Variants in CDKL5 observed in about 807,000 individuals in gnomAD.
The protein encoded by CDKL5 is cyclin dependent kinase like 5, also known as cyclin-dependent kinase-like 5.
CDKL5 carries 8 observed loss-of-function variants against 61.7 expected under a neutral mutation model. The ratio of observed to expected loss-of-function variants is 0.13; its 90% CI spans 0.08 to 0.23. CDKL5 has a LOEUF of 0.23. Among genes scored for constraint, CDKL5 ranks in the 10% least tolerant of loss-of-function variants. The pLI is 1.00. For missense variants in CDKL5, 440 were observed against 734.5 expected, an observed-to-expected ratio of 0.60 and a Z score of 4.63; for synonymous variants, 275 against 272.3, an observed-to-expected ratio of 1.01 and a Z score of -0.10.
chrX:18,534,006 G>C (rs1003808975), intron 3 of CDKL5, among the ~76,000 whole-genome samples: 2 of 111,885 alleles, frequency 1.8e-5, no homozygotes, highest in African/African-American at 6.5e-5. Context: ...CTCACTTTCT[G>C]TCCCTGGTTC....
intron 1 of CDKL5, among the ~76,000 whole-genome samples, chrX:18,459,079 A>G (rs763269005): frequency 5.4e-4 from 61 of 112,728 alleles, no homozygotes; most frequent in African/African-American, 1.8e-3. Flanking sequence ...TGGAGCATTA[A>G]ATAGTTTAGA....
rs1310584481 is a variant in CDKL5, at chrX:18,620,009, C to T, written c.2376+43C>T. The T allele has an allele frequency of 7.3e-6, 6 of 818,912 alleles. No individual in the cohort carries two copies. The South Asian group carries it at 1.1e-4, about 15-fold the overall frequency. 67.5% of individuals were successfully genotyped at this position (818,912 alleles called of 1,213,427 possible). On this transcript the variant is annotated intron_variant, in intron 16 of 17. Transcript: ENST00000623535. Reference sequence around the variant, plus strand: ...TTCTATATATAATAACATGTTTCTGCATTATTCAATGGATACTTTACACTT... The same window carrying T: ...TTCTATATATAATAACATGTTTCTGTATTATTCAATGGATACTTTACACTT...
chrX:18,560,859 T>C (rs747897757), intron 3 of CDKL5, among the ~76,000 whole-genome samples: 4 of 111,105 alleles, frequency 3.6e-5, no homozygotes, highest in Non-Finnish European at 7.5e-5. Context: ...GGAAAAGTCC[T>C]AACAGTATTT....
intron 1 of CDKL5, among the ~76,000 whole-genome samples, chrX:18,444,875 G>A (rs1041300647): frequency 1.1e-4 from 12 of 110,988 alleles, no homozygotes; most frequent in Non-Finnish European, 2.3e-4. Context: ...ACAATTTAAC[G>A]ATTGTTTGCC....
intron 3 of CDKL5, among the ~76,000 whole-genome samples, chrX:18,546,132 C>T (rs2147118964): frequency 9.0e-6 from 1 of 111,301 alleles, no homozygotes; most frequent in African/African-American, 3.3e-5. Flanking sequence ...GTATTCATGG[C>T]TGTCAGAGCA....
intron 11 of CDKL5, among the ~76,000 whole-genome samples, chrX:18,602,689 G>A (rs1161328408): frequency 9.0e-6 from 1 of 110,725 alleles, no homozygotes; most frequent in East Asian, 2.8e-4. Context: ...AGGTAGACTA[G>A]GAAATGGGTC....
chrX:18,647,745 A>T, intron 20 of CDKL5: 1 of 175,822 alleles, frequency 5.7e-6, no homozygotes, highest in Non-Finnish European at 1.1e-5. Context: ...ATCCTGCCTC[A>T]TGACGTCAGG....
intron 3 of CDKL5, among the ~76,000 whole-genome samples, chrX:18,559,618 CTT>C (rs1426007448): frequency 4.4e-5 from 4 of 90,852 alleles, no homozygotes; most frequent in Non-Finnish European, 6.7e-5. Flanking sequence ...ATGACCTTTT[CTT>C]TTTTTTTTTT....
At chrX:18,452,982 C>G (rs1932058198) in intron 1 of CDKL5, among the ~76,000 whole-genome samples, 1 of 108,685 alleles carries the variant, frequency 9.2e-6, no homozygotes, top group Non-Finnish European at 1.9e-5. Flanking sequence ...AGGCGTGCAC[C>G]ACGACGCCTG....
At chrX:18,641,014 G>T (rs1158857731), downstream of CDKL5, 1 of 112,723 alleles carries the variant, frequency 8.9e-6, no homozygotes, top group Non-Finnish European at 1.9e-5. Flanking sequence ...AGCTTTCAGG[G>T]AAAAAGCTAC....
chrX:18,486,272 A>G (rs563396384), intron 1 of CDKL5, among the ~76,000 whole-genome samples: 2 of 111,999 alleles, frequency 1.8e-5, no homozygotes, highest in African/African-American at 3.2e-5. Flanking sequence ...CACCTCTTCA[A>G]TGAAGCTTTC....
rs1414507954 is a variant in CDKL5 at position 18,588,913 on chromosome X, C to CA, written c.744+781dup. The CA allele has an allele frequency of 9.4e-3, 677 of 72,354 alleles. 2 individuals are homozygous for CA. Among genetic ancestry groups the CA allele is most frequent in the Non-Finnish European group, 0.014 (513 of 36,520 alleles). 6.0% of individuals were successfully genotyped at this position (72,354 alleles called of 1,213,427 possible). ...TGGGTGACAGAGTGAGATTCTGTCT[C>CA]AAAAAAAAAAACAAAAACAAAAAAA... On this transcript the variant is annotated intron_variant, in intron 9 of 17. Transcript: ENST00000623535.
chrX:18,535,200 G>A, intron 3 of CDKL5: 1 of 120,330 alleles, frequency 8.3e-6, no homozygotes, highest in East Asian at 2.2e-4. Context: ...GAGTCAGCCT[G>A]GGATAATGAG....
At chrX:18,523,243 C>T (rs966060626) in intron 3 of CDKL5, among the ~76,000 whole-genome samples, 4 of 111,331 alleles carry the variant, frequency 3.6e-5, no homozygotes, top group African/African-American at 1.3e-4. Context: ...TTTCATTACC[C>T]CAAACAGGAA....
At position 18,484,565 on chromosome X, in the gene CDKL5, A is replaced by G. The variant is rs1357890024; in HGVS notation, c.-162-22370A>G. Among the ~76,000 whole-genome samples the G allele has an allele frequency of 4.5e-5, 5 of 110,807 alleles. No homozygotes were observed. The East Asian group carries it at 1.4e-3, about 31-fold the overall frequency. On this transcript the variant is annotated intron_variant, in intron 1 of 17. Coordinates refer to ENST00000623535, the MANE Select transcript of CDKL5 (RefSeq NM_001323289.2). Reference sequence around the variant, plus strand: ...ATTCCTGACCTCAAGTGATCCACCTATCTTGGTCTCCCAAGGTGCTGGGAT... The same window carrying G: ...ATTCCTGACCTCAAGTGATCCACCTGTCTTGGTCTCCCAAGGTGCTGGGAT...
chrX:18,641,034 T>G (rs1193473022), downstream of CDKL5: 1 of 112,544 alleles, frequency 8.9e-6, no homozygotes, highest in Non-Finnish European at 1.9e-5. Context: ...CATGGTCCTT[T>G]TTATGATGTG....
intron 9 of CDKL5, among the ~76,000 whole-genome samples, chrX:18,593,086 G>A (rs907802805): frequency 2.7e-5 from 3 of 112,077 alleles, no homozygotes; most frequent in African/African-American, 9.7e-5. Context: ...TTGGTGTAAA[G>A]ATGAAATATT....
chrX:18,561,259 A>G, intron 3 of CDKL5, among the ~76,000 whole-genome samples: 1 of 111,394 alleles, frequency 9.0e-6, no homozygotes, highest in Non-Finnish European at 1.9e-5. Context: ...TCAAGTTGCC[A>G]TGTATACGTG....
chrX:18,594,006 C>T (rs960191779), intron 9 of CDKL5, among the ~76,000 whole-genome samples: 3 of 112,491 alleles, frequency 2.7e-5, no homozygotes, highest in African/African-American at 9.7e-5. Flanking sequence ...AACCAGACAG[C>T]AGATTCCTCA....
Sources: gnomAD v4.1 joint callset for allele counts (sites outside exome capture counted in the v4.1 genomes callset) on GRCh38, gnomAD v4.1.1 for gene constraint, MANE v1.5 for transcripts, NCBI Gene and HGNC (gene_info 2026-07-23, HGNC 2026-07-21) for gene names.